The following CPE variants were observed in gnomAD, a reference collection of about 807,000 sequenced individuals.
The protein encoded by CPE is carbocypeptidase E.
In CPE, 17 loss-of-function variants were observed where a neutral mutation model predicts 53.5. The observed-to-expected ratio is 0.32, with a 90% confidence interval of 0.22 to 0.48. CPE has a LOEUF of 0.48. Ranked by LOEUF, CPE falls within the 20% of genes least tolerant of loss-of-function variation. The pLI is 0.99. For missense variants in CPE, 524 were observed against 614.7 expected (o/e 0.85, Z 1.56); for synonymous variants, 226 against 228.8 (o/e 0.99, Z 0.11).
rs183320380 is a variant in CPE at position 165,440,824 on chromosome 4, G to A, written c.308-23566G>A. On this transcript the variant is annotated intron_variant, in intron 1 of 8. Transcript: ENST00000402744. ...TAATTAGCACTTGAAAACTGCCTCC[G>A]AGACCTGGAACTTGTTGGTTGCCAG... Among the ~76,000 whole-genome samples, 677 of 152,150 alleles carry A rather than the reference G, an allele frequency of 4.4e-3. 2 individuals carry two copies. Among genetic ancestry groups the A allele is most frequent in the Non-Finnish European group, 5.5e-3 (373 of 68,008 alleles).
chr4:165,425,744 G>T (rs13103665), intron 1 of CPE, among the ~76,000 whole-genome samples: 4 of 151,820 alleles, frequency 2.6e-5, no homozygotes, highest in African/African-American at 4.8e-5. Flanking sequence ...TTGCTACCTA[G>T]GGGACATTTG....
intron 3 of CPE, among the ~76,000 whole-genome samples, chr4:165,480,191 G>T (rs867142055): frequency 6.6e-6 from 1 of 151,996 alleles, no homozygotes; most frequent in Non-Finnish European, 1.5e-5. Context: ...TAATTCCATT[G>T]TTCTTAAAAA....
chr4:165,470,145 G>A (rs1732179792), intron 3 of CPE, among the ~76,000 whole-genome samples: 1 of 152,166 alleles, frequency 6.6e-6, no homozygotes, highest in Non-Finnish European at 1.5e-5. Context: ...AGGAGTGAAA[G>A]TTTATTAAAA....
chr4:165,399,476 T>C (rs1441304957), intron 1 of CPE, among the ~76,000 whole-genome samples: 1 of 152,202 alleles, frequency 6.6e-6, no homozygotes, highest in Non-Finnish European at 1.5e-5. Context: ...GCGATTCTCC[T>C]GCCCTGGCCT....
intron 1 of CPE, among the ~76,000 whole-genome samples, chr4:165,395,260 T>C (rs1255211977): frequency 1.3e-5 from 2 of 152,210 alleles, no homozygotes; most frequent in Non-Finnish European, 2.9e-5. Flanking sequence ...AAATTTATTT[T>C]TATTATAATA....
At chr4:165,449,903 A>G (rs1003317831) in intron 1 of CPE, among the ~76,000 whole-genome samples, 1 of 152,172 alleles carries the variant, frequency 6.6e-6, no homozygotes, top group Middle Eastern at 3.2e-3. Context: ...AAATATTTTA[A>G]TAATGCTTTT....
intron 1 of CPE, among the ~76,000 whole-genome samples, chr4:165,392,728 T>G (rs978756316): frequency 6.7e-6 from 1 of 148,256 alleles, no homozygotes; most frequent in Non-Finnish European, 1.5e-5. Flanking sequence ...CCCAAATTGT[T>G]TTATTGTCTT....
intron 5 of CPE, 73 bp from the exon 6 acceptor site, chr4:165,487,365 T>A: frequency 6.3e-7 from 1 of 1,583,908 alleles, no homozygotes; most frequent in Admixed American, 1.7e-5. Flanking sequence ...TGGTTCTTGA[T>A]TCAGAAGACT....
chr4:165,419,857 T>C (rs1032249436), intron 1 of CPE, among the ~76,000 whole-genome samples: 1 of 152,212 alleles, frequency 6.6e-6, no homozygotes, highest in African/African-American at 2.4e-5. Flanking sequence ...ACCCAGCCTT[T>C]ATTGTATGGT....
chr4:165,418,527 G>C (rs574562646), intron 1 of CPE, among the ~76,000 whole-genome samples: 1 of 152,196 alleles, frequency 6.6e-6, no homozygotes, highest in Non-Finnish European at 1.5e-5. Flanking sequence ...TATTAAGTAA[G>C]TGTGTATTTG....
chr4:165,482,187 TG>T, intron 3 of CPE, 54 bp from the exon 4 acceptor site: 1 of 1,135,750 alleles, frequency 8.8e-7, no homozygotes, highest in Non-Finnish European at 1.3e-6. Flanking sequence ...TTCTGTCAAG[TG>T]ATCATACCAA....
intron 1 of CPE, among the ~76,000 whole-genome samples, chr4:165,398,067 AAAAAC>A (rs1730800765): frequency 6.6e-6 from 1 of 151,362 alleles, no homozygotes; most frequent in African/African-American, 2.4e-5. Context: ...AAAAAAAAAA[AAAAAC>A]AAAACCCCAC....
chr4:165,480,997 T>TAA (rs1732397937), intron 3 of CPE, among the ~76,000 whole-genome samples: 4 of 111,728 alleles, frequency 3.6e-5, no homozygotes, highest in Non-Finnish European at 7.8e-5. Context: ...CTACAATGGA[T>TAA]ATATATATAT....
At chr4:165,417,481 T>C (rs916819527) in intron 1 of CPE, among the ~76,000 whole-genome samples, 6 of 152,182 alleles carry the variant, frequency 3.9e-5, no homozygotes, top group Admixed American at 6.5e-5. Context: ...GAGAGTTTAA[T>C]TGACTTTAGG....
intron 1 of CPE, among the ~76,000 whole-genome samples, chr4:165,442,021 TTGTTTTTTTTTTTTGTTTTTTTTTTG>T (rs1731619642): frequency 1.0e-5 from 1 of 97,464 alleles, no homozygotes; most frequent in African/African-American, 5.0e-5. Context: ...GACGGTGAGT[TTGTTTTTTTTTTTTGTTTTTTTTTTG>T]TTTTTTTTTT....
chr4:165,459,676 G>C (rs1290687673), intron 1 of CPE, among the ~76,000 whole-genome samples: 2 of 132,406 alleles, frequency 1.5e-5, no homozygotes, highest in Admixed American at 7.3e-5. Context: ...GGGCTGGGTG[G>C]GGGGGGGCGG....
intron 1 of CPE, among the ~76,000 whole-genome samples, chr4:165,382,356 A>T (rs934034951): frequency 6.6e-6 from 1 of 152,198 alleles, no homozygotes; most frequent in African/African-American, 2.4e-5. Flanking sequence ...AAAAAGGGCC[A>T]ATTGTCTTTA....
intron 7 of CPE, among the ~76,000 whole-genome samples, chr4:165,493,643 C>A (rs541658950): frequency 6.6e-6 from 1 of 152,108 alleles, no homozygotes; most frequent in Non-Finnish European, 1.5e-5. Context: ...TAACGAGCTG[C>A]GAATGGGGAG....
intron 1 of CPE, among the ~76,000 whole-genome samples, chr4:165,384,364 G>A (rs1044907943): frequency 6.6e-5 from 10 of 152,134 alleles, no homozygotes; most frequent in East Asian, 1.9e-4. Context: ...CTCCTCTCCC[G>A]CTGGCTGGTG....
Sources: allele counts gnomAD v4.1 joint callset (sites outside exome capture counted in the v4.1 genomes callset), GRCh38; gene constraint gnomAD v4.1.1; transcripts MANE v1.5; gene names NCBI Gene and HGNC (gene_info 2026-07-23, HGNC 2026-07-21).